Variants in MED13L observed in about 807,000 individuals in gnomAD.
MED13L encodes mediator complex subunit 13L, also known as mediator of RNA polymerase II transcription subunit 13-like.
In MED13L, 7 loss-of-function variants were observed where a neutral mutation model predicts 220.9. The ratio of observed to expected loss-of-function variants is 0.03; its 90% CI spans 0.02 to 0.06. The LOEUF (loss-of-function observed/expected upper bound fraction) is 0.06, where lower values mean the gene tolerates loss of function less well. Ranked by LOEUF, MED13L falls within the 10% of genes least tolerant of loss-of-function variation. The pLI is 1.00. For synonymous variants in MED13L, 1,011 were observed against 1,015.2 expected (o/e 1.00, Z 0.08); for missense variants, 1,965 against 2,760.5 (o/e 0.71, Z 6.46).
chr12:116,009,423 G>A lies in MED13L; in HGVS notation c.1281-291C>T, dbSNP rs746557741. ...ACCCAAATCTTTTAGATTTGGTGAG[G>A]GCCTCAGATAACCTATTCATACTGC... On this transcript the variant is annotated intron_variant, in intron 9 of 30. Transcript: ENST00000281928. Among the ~76,000 whole-genome samples, 16 of 151,944 alleles carry A rather than the reference G, an allele frequency of 1.1e-4. 1 individual carries two copies. The highest frequency in any genetic ancestry group is 2.4e-4 in the Non-Finnish European group (16 of 68,000).
intron 4 of MED13L, among the ~76,000 whole-genome samples, chr12:116,042,380 G>A (rs1487530427): frequency 6.6e-6 from 1 of 152,204 alleles, no homozygotes; most frequent in Non-Finnish European, 1.5e-5. Flanking sequence ...CTATGATTCT[G>A]ATGATTCTGT....
intron 19 of MED13L, among the ~76,000 whole-genome samples, chr12:115,985,413 CT>C (rs1877618405): frequency 6.6e-6 from 1 of 152,228 alleles, no homozygotes; most frequent in Admixed American, 6.5e-5. Context: ...TCCGTGCCTA[CT>C]CATACATTTA....
intron 2 of MED13L, among the ~76,000 whole-genome samples, chr12:116,156,446 T>C (rs2138115465): frequency 6.7e-6 from 1 of 149,730 alleles, no homozygotes; most frequent in African/African-American, 2.4e-5. Context: ...AAAATGAAGT[T>C]CAATACATCT....
intron 4 of MED13L, among the ~76,000 whole-genome samples, chr12:116,075,972 GGC>G (rs1870763503): frequency 6.7e-6 from 1 of 148,638 alleles, no homozygotes; most frequent in East Asian, 2.0e-4. Flanking sequence ...GGAGTGCAGT[GGC>G]GCGATCTCGG....
At chr12:116,211,342 A>G (rs914465091) in intron 2 of MED13L, among the ~76,000 whole-genome samples, 5 of 152,166 alleles carry the variant, frequency 3.3e-5, no homozygotes, top group Admixed American at 6.5e-5. Context: ...GCCACATGTG[A>G]TAAGTGGCTA....
chr12:116,126,434 G>A (rs1875596701), intron 2 of MED13L, among the ~76,000 whole-genome samples: 1 of 152,106 alleles, frequency 6.6e-6, no homozygotes, highest in African/African-American at 2.4e-5. Flanking sequence ...TCTTCCTGTG[G>A]TCCTTGGAGT....
intron 1 of MED13L, among the ~76,000 whole-genome samples, chr12:116,238,349 C>T (rs146674052): frequency 2.4e-4 from 36 of 152,266 alleles, no homozygotes; most frequent in African/African-American, 8.4e-4. Context: ...ATTTTTTACA[C>T]ACATTGTAAA....
intron 4 of MED13L, among the ~76,000 whole-genome samples, chr12:116,085,628 TGATGTACACTG>T (rs1341241932): frequency 6.6e-6 from 1 of 152,118 alleles, no homozygotes; most frequent in Non-Finnish European, 1.5e-5. Context: ...GGTAAAATTA[TGATGTACACTG>T]GAAACTAAAA....
intron 17 of MED13L, among the ~76,000 whole-genome samples, chr12:115,987,675 T>C (rs1467732435): frequency 1.3e-5 from 2 of 152,192 alleles, no homozygotes; most frequent in African/African-American, 4.8e-5. Context: ...TTTGTTTATA[T>C]GATAAGTAGG....
chr12:116,137,817 A>T (rs1876693093), intron 2 of MED13L, among the ~76,000 whole-genome samples: 1 of 151,768 alleles, frequency 6.6e-6, no homozygotes, highest in South Asian at 2.1e-4. Context: ...GAGCTCAATA[A>T]ATGCTTGTTA....
Position 116,237,628 on chromosome 12 carries a change from T to C in MED13L, c.150A>G (p.Pro50=), listed in dbSNP as rs778797919. Residue 50 remains proline, a synonymous_variant, in exon 2 of 31, where the codon CCA becomes CCG. Coordinates refer to ENST00000281928, the MANE Select transcript of MED13L (RefSeq NM_015335.5). ...TTAACAGAATTGGATCATCTTGGGC[T>C]GGGGCTGAAATTATGGGTCCACAGT... ...HGDCGPIISA[P]AQDDPILLSF... The C allele has an allele frequency of 3.7e-6, 6 of 1,614,180 alleles. No homozygotes were observed. The South Asian group carries it at 6.6e-5, about 18-fold the overall frequency.
intron 2 of MED13L, among the ~76,000 whole-genome samples, chr12:116,185,159 T>C (rs1880795336): frequency 6.6e-6 from 1 of 152,018 alleles, no homozygotes; most frequent in Admixed American, 6.5e-5. Context: ...CTAGTAAAAA[T>C]CAGGATTTAT....
intron 2 of MED13L, among the ~76,000 whole-genome samples, chr12:116,123,194 G>C (rs912678490): frequency 6.6e-6 from 1 of 152,106 alleles, no homozygotes; most frequent in Middle Eastern, 3.4e-3. Flanking sequence ...TTACCTCTTT[G>C]AGTATTTTCC....
intron 2 of MED13L, among the ~76,000 whole-genome samples, chr12:116,118,948 G>T (rs1874768129): frequency 6.6e-6 from 1 of 152,082 alleles, no homozygotes; most frequent in African/African-American, 2.4e-5. Flanking sequence ...ATCAAGGTTG[G>T]TTTTCTATCC....
In MED13L at chr12:115,991,367, G is replaced by A. The variant is rs1376054056; in HGVS notation, c.3587C>T (p.Ala1196Val). Residue 1196 changes from alanine to valine, a missense_variant, in exon 17 of 31, where the codon GCT becomes GTT. Physicochemically the swap from Ala to Val is moderately conservative, Grantham distance 64. This residue lies in a region of MED13L where 165 missense variants were observed against 190.8 expected (regional missense o/e 0.86). Transcript: ENST00000281928. This position sits in a 1 kb window ranked among gnomAD's most constrained non-coding sequence, Gnocchi z 7.7. ...IFGKNSDIGQ[A>V]AERRLMMCQS... The stretch of plus-strand genomic sequence containing the variant: ...ACACATCATTAAGCGCCTCTCTGCA[G>A]CCTGACCAATATCAGAATTCTTCCC... The A allele has an allele frequency of 6.2e-7, 1 of 1,613,960 alleles. No individual in the cohort carries two copies. The highest frequency in any genetic ancestry group is 8.5e-7 in the Non-Finnish European group (1 of 1,180,014).
intron 30 of MED13L, 143 bp from the exon 31 acceptor site, chr12:115,961,541 T>C: frequency 8.7e-7 from 1 of 1,148,350 alleles, no homozygotes; most frequent in East Asian, 2.6e-5. Flanking sequence ...CCTCATCCTT[T>C]GTCTCATGTT....
chr12:116,176,946 T>A (rs146136076), intron 2 of MED13L, among the ~76,000 whole-genome samples: 1 of 151,766 alleles, frequency 6.6e-6, no homozygotes, highest in East Asian at 1.9e-4. Context: ...AGATAGCCAT[T>A]CCATATACAC....
chr12:116,107,707 A>C (rs1565880709), intron 3 of MED13L, among the ~76,000 whole-genome samples: 1 of 152,240 alleles, frequency 6.6e-6, no homozygotes, highest in African/African-American at 2.4e-5. Context: ...ATCACAATAC[A>C]AACTTTGTTA....
At chr12:116,066,673 T>A (rs909935334) in intron 4 of MED13L, among the ~76,000 whole-genome samples, 1 of 152,060 alleles carries the variant, frequency 6.6e-6, no homozygotes, top group Non-Finnish European at 1.5e-5. Context: ...ACTTTACATT[T>A]AATTACAGAA....
Sources: allele counts gnomAD v4.1 joint callset (sites outside exome capture counted in the v4.1 genomes callset), GRCh38; gene constraint gnomAD v4.1.1; regional missense constraint gnomAD v4.1.1; non-coding constraint Gnocchi (gnomAD v3.1); transcripts MANE v1.5; gene names NCBI Gene and HGNC (gene_info 2026-07-23, HGNC 2026-07-21).